Variants in FBXL2 observed in about 807,000 individuals in gnomAD.
FBXL2 encodes the protein F-box/LRR-repeat protein 2.
In FBXL2, 38 loss-of-function variants were observed where a neutral mutation model predicts 69.2. That is an observed-to-expected ratio of 0.55 (90% confidence interval 0.42 to 0.72). The LOEUF is 0.72. FBXL2 is among the 30% of genes least tolerant of loss of function. The pLI is 0.00. For missense variants in FBXL2, 354 were observed against 520.3 expected, an observed-to-expected ratio of 0.68 and a Z score of 3.11; for synonymous variants, 192 against 201.3, an observed-to-expected ratio of 0.95 and a Z score of 0.39.
intron 1 of FBXL2, among the ~76,000 whole-genome samples, chr3:33,281,192 C>T (rs987857659): frequency 6.6e-6 from 1 of 152,068 alleles, no homozygotes; most frequent in African/African-American, 2.4e-5. Context: ...TATCCCTCCG[C>T]CCTCCCCCTA....
intron 13 of FBXL2, among the ~76,000 whole-genome samples, chr3:33,379,011 CTTT>C (rs879577468): frequency 6.9e-6 from 1 of 144,962 alleles, no homozygotes; most frequent in Admixed American, 7.0e-5. Context: ...GAATGAACAT[CTTT>C]TTTTTTTTTT....
intron 13 of FBXL2, 138 bp downstream of exon 13, chr3:33,378,879 T>C: frequency 4.7e-6 from 7 of 1,490,388 alleles, no homozygotes; most frequent in Non-Finnish European, 6.3e-6. Flanking sequence ...TGGGCTAACT[T>C]GGGAGGCAAG....
downstream of FBXL2, chr3:33,388,137 G>A (rs2043587253): frequency 6.7e-6 from 1 of 150,268 alleles, no homozygotes; most frequent in African/African-American, 2.5e-5. Context: ...TAGTTAGTTA[G>A]TTAGTTAGTT....
chr3:33,421,475 G>A, the FBXL2 span, among the ~76,000 whole-genome samples: 1 of 152,242 alleles, frequency 6.6e-6, no homozygotes, highest in South Asian at 2.1e-4. Flanking sequence ...TCACCACATT[G>A]GCCAGGCTGG....
intron 5 of FBXL2, among the ~76,000 whole-genome samples, chr3:33,369,943 T>C (rs1229739208): frequency 1.3e-5 from 2 of 152,196 alleles, no homozygotes; most frequent in African/African-American, 4.8e-5. Context: ...TTAAAAGTTG[T>C]ATACACCCAA....
At position 33,384,159 on chromosome 3, in the gene FBXL2, C is replaced by T. The variant is rs747991673; in HGVS notation, c.1122C>T (p.Tyr374=). 4.0e-5 allele frequency: 64 copies of T among 1,613,986 alleles called. 1 individual carries two copies. The South Asian group carries it at 5.4e-4, about 14-fold the overall frequency. The change falls in exon 14 of 15, where the codon TAC becomes TAT. Residue 374 remains tyrosine, a synonymous_variant. Coordinates refer to ENST00000484457, the MANE Select transcript of FBXL2 (RefSeq NM_012157.5). Reference sequence around the variant, plus strand: ...GAGGCCTGGAGCGCCTCGAGCTGTACGACTGCCAGCAGGTTACCCGTGCAG... The same window carrying T: ...GAGGCCTGGAGCGCCTCGAGCTGTATGACTGCCAGCAGGTTACCCGTGCAG... ...NCRGLERLEL[Y]DCQQVTRAGI...
chr3:33,305,071 C>A (rs1195635912), intron 2 of FBXL2, among the ~76,000 whole-genome samples: 2 of 151,896 alleles, frequency 1.3e-5, no homozygotes, highest in East Asian at 3.8e-4. Context: ...TTTATCCCAT[C>A]TTCTAACTTG....
chr3:33,395,115 C>T (rs1575448522), intron 12 of FBXL2, among the ~76,000 whole-genome samples: 1 of 152,132 alleles, frequency 6.6e-6, no homozygotes, highest in African/African-American at 2.4e-5. Context: ...CTTGATGATA[C>T]ATGGAGATCT....
intron 1 of FBXL2, among the ~76,000 whole-genome samples, chr3:33,294,190 G>C (rs956066849): frequency 1.3e-5 from 2 of 152,052 alleles, no homozygotes; most frequent in African/African-American, 4.8e-5. Context: ...TCAATCTCCT[G>C]GGCTCAAGCT....
At chr3:33,405,721 C>T (rs1163191376), downstream of FBXL2, among the ~76,000 whole-genome samples, 1 of 152,114 alleles carries the variant, frequency 6.6e-6, no homozygotes, top group African/African-American at 2.4e-5. Context: ...GATCACACTA[C>T]TGCACTCCAG....
intron 12 of FBXL2, chr3:33,396,155 T>C (rs748254486): frequency 1.2e-5 from 18 of 1,560,356 alleles, no homozygotes; most frequent in East Asian, 4.6e-5. Flanking sequence ...ATGCCCTCAA[T>C]ACCTACCATA....
chr3:33,368,272 T>C (rs1308413186), intron 5 of FBXL2, among the ~76,000 whole-genome samples: 1 of 152,230 alleles, frequency 6.6e-6, no homozygotes, highest in Non-Finnish European at 1.5e-5. Context: ...TGACTACTAA[T>C]TTATCAACTA....
At chr3:33,403,781 C>G, downstream of FBXL2, 1 of 152,316 alleles carries the variant, frequency 6.6e-6, no homozygotes, top group South Asian at 2.1e-4. Context: ...ATCTCAAATA[C>G]AAGTCTTCAG....
chr3:33,322,243 A>G (rs1320063734), intron 2 of FBXL2, among the ~76,000 whole-genome samples: 1 of 151,686 alleles, frequency 6.6e-6, no homozygotes, highest in Middle Eastern at 3.4e-3. Context: ...ATGCCTGGCT[A>G]ATTCTTTTAT....
At chr3:33,401,680 A>G (rs1398446890) in intron 12 of FBXL2, among the ~76,000 whole-genome samples, 3 of 152,186 alleles carry the variant, frequency 2.0e-5, no homozygotes, top group East Asian at 3.8e-4. Flanking sequence ...CTTTCTACCC[A>G]TAAGAACTTA....
At chr3:33,412,686 C>A in the FBXL2 span, 2 of 1,317,466 alleles carry the variant, frequency 1.5e-6, no homozygotes, top group East Asian at 4.6e-5. Context: ...CTAAACAATA[C>A]CCTCATCTCC....
At chr3:33,329,601 C>T (rs1021239802) in intron 2 of FBXL2, among the ~76,000 whole-genome samples, 3 of 152,002 alleles carry the variant, frequency 2.0e-5, no homozygotes, top group Non-Finnish European at 4.4e-5. Context: ...AATTGAAATC[C>T]TGTCGTTTGC....
At chr3:33,364,302 A>T in intron 4 of FBXL2, 1 of 295,266 alleles carries the variant, frequency 3.4e-6, no homozygotes, top group Non-Finnish European at 6.4e-6. Context: ...GGTTGGTGGA[A>T]TAGCTGTGAC....
intron 2 of FBXL2, among the ~76,000 whole-genome samples, chr3:33,329,669 A>G (rs1436623571): frequency 1.3e-5 from 2 of 152,176 alleles, no homozygotes; most frequent in African/African-American, 2.4e-5. Context: ...CAGAAAGACA[A>G]ATATTGCATG....
Sources: allele counts gnomAD v4.1 joint callset (sites outside exome capture counted in the v4.1 genomes callset), GRCh38; gene constraint gnomAD v4.1.1; transcripts MANE v1.5; gene names NCBI Gene and HGNC (gene_info 2026-07-23, HGNC 2026-07-21).